The following PDZD9 variants were observed in gnomAD, a reference collection of about 807,000 sequenced individuals.
PDZD9 encodes PDZ domain-containing protein 9.
Under a neutral mutation model 16.3 loss-of-function variants are expected in PDZD9, and 13 were observed. The observed-to-expected ratio is 0.80, with a 90% CI of 0.52 to 1.27. The LOEUF is 1.27. Ranked by LOEUF, PDZD9 falls within the 50% of genes most tolerant of loss-of-function variation. The pLI, the probability that PDZD9 is intolerant of heterozygous loss-of-function variation, is 0.00. For synonymous variants in PDZD9, 120 were observed against 111.0 expected, an observed-to-expected ratio of 1.08 and a Z score of -0.51; for missense variants, 288 against 310.9, an observed-to-expected ratio of 0.93 and a Z score of 0.55.
intron 2 of PDZD9, among the ~76,000 whole-genome samples, chr16:21,990,165 A>G (rs1898988481): frequency 6.6e-6 from 1 of 152,142 alleles, no homozygotes; most frequent in African/African-American, 2.4e-5. Flanking sequence ...GGCTGCTACA[A>G]CGGCATTCAG....
the PDZD9 span, among the ~76,000 whole-genome samples, chr16:21,970,415 A>G: frequency 6.6e-6 from 1 of 152,186 alleles, no homozygotes; most frequent in Non-Finnish European, 1.5e-5. Context: ...CCAGCAATGC[A>G]CAAAGGTTTT....
At chr16:21,989,671 T>C (rs1257833104) in intron 2 of PDZD9, among the ~76,000 whole-genome samples, 1 of 152,192 alleles carries the variant, frequency 6.6e-6, no homozygotes. Context: ...AACTGTAAGA[T>C]GTGTATGCAG....
At chr16:21,972,084 C>T in the PDZD9 span, 1 of 1,614,046 alleles carries the variant, frequency 6.2e-7, no homozygotes, top group South Asian at 1.1e-5. Context: ...CAGCCATCTG[C>T]ACCAGGCTGT....
At chr16:21,999,972 C>CG (rs1421482504) in intron 1 of PDZD9, among the ~76,000 whole-genome samples, 1 of 151,768 alleles carries the variant, frequency 6.6e-6, no homozygotes, top group East Asian at 1.9e-4. Context: ...GCCTGGAAGG[C>CG]GGGGGTTGCA....
chr16:21,973,783 A>G, the PDZD9 span: 1 of 840,014 alleles, frequency 1.2e-6, no homozygotes, highest in African/African-American at 1.7e-5. Flanking sequence ...GTAAAATATT[A>G]ATCTATTTTG....
chr16:21,958,703 A>G, the PDZD9 span: 283 of 976,902 alleles, frequency 2.9e-4, 2 homozygotes, highest in East Asian at 7.1e-3. Context: ...CTTAAGCAAC[A>G]TAAGAAGGAA....
At chr16:21,981,473 G>T (rs1416783738), downstream of PDZD9, among the ~76,000 whole-genome samples, 1 of 152,162 alleles carries the variant, frequency 6.6e-6, no homozygotes, top group Non-Finnish European at 1.5e-5. Context: ...AAAAAACTAA[G>T]CTGGGTGCAG....
chr16:21,959,644 T>C, the PDZD9 span: 1 of 152,280 alleles, frequency 6.6e-6, no homozygotes, highest in East Asian at 1.9e-4. Flanking sequence ...GTGTCTAGAA[T>C]GGTGAATTCT....
chr16:21,962,158 GTA>G, the PDZD9 span: 1 of 312,692 alleles, frequency 3.2e-6, no homozygotes, highest in Non-Finnish European at 6.1e-6. Context: ...TACCTCATAA[GTA>G]GAATCATACA....
chr16:21,987,638 A>G (rs775191128), intron 3 of PDZD9, among the ~76,000 whole-genome samples: 1 of 152,120 alleles, frequency 6.6e-6, no homozygotes, highest in Non-Finnish European at 1.5e-5. Context: ...TAAGTGTCTA[A>G]TGCTGCTCAG....
the PDZD9 span, chr16:21,971,984 T>G: frequency 6.2e-7 from 1 of 1,614,202 alleles, no homozygotes; most frequent in Non-Finnish European, 8.5e-7. Flanking sequence ...CAGAAAGTGC[T>G]GTCGCGGGAA....
downstream of PDZD9, among the ~76,000 whole-genome samples, chr16:21,981,066 A>G (rs534204677): frequency 6.6e-6 from 1 of 152,352 alleles, no homozygotes; most frequent in African/African-American, 2.4e-5. Context: ...GAAGTAAAGA[A>G]GAGTCAAATA....
chr16:21,958,679 G>A, the PDZD9 span: 1 of 1,241,696 alleles, frequency 8.1e-7, no homozygotes, highest in South Asian at 1.3e-5. Context: ...TGTTATCAAG[G>A]AGGTTGAGGA....
At chr16:21,976,582 T>C in the PDZD9 span, 1 of 217,416 alleles carries the variant, frequency 4.6e-6, no homozygotes, top group Non-Finnish European at 9.3e-6. Flanking sequence ...TCATGCATTT[T>C]TAAACATAAT....
the PDZD9 span, among the ~76,000 whole-genome samples, chr16:21,975,710 A>C: frequency 1.3e-5 from 2 of 152,162 alleles, no homozygotes; most frequent in Non-Finnish European, 2.9e-5. Flanking sequence ...TTCTTAGTGA[A>C]TAGTAAGAGA....
the PDZD9 span, among the ~76,000 whole-genome samples, chr16:21,971,196 T>C: frequency 3.9e-5 from 6 of 152,176 alleles, no homozygotes; most frequent in African/African-American, 1.4e-4. Flanking sequence ...ATATTTGATG[T>C]AGACTACTCA....
intron 3 of PDZD9, among the ~76,000 whole-genome samples, chr16:21,986,291 A>G (rs1898874849): frequency 6.6e-6 from 1 of 152,226 alleles, no homozygotes; most frequent in South Asian, 2.1e-4. Flanking sequence ...AAGAAAGGGA[A>G]TCAGCAGGTG....
At chr16:21,964,382 G>A in the PDZD9 span, among the ~76,000 whole-genome samples, 2 of 152,002 alleles carry the variant, frequency 1.3e-5, no homozygotes, top group African/African-American at 4.8e-5. Flanking sequence ...TCTCCCACAC[G>A]GCCATTACAG....
At chr16:21,983,208 C>T (rs530659937), downstream of PDZD9, 271 of 1,581,044 alleles carry the variant, frequency 1.7e-4, 4 homozygotes, top group South Asian at 2.9e-3. Context: ...GCTGAACGTT[C>T]TCTCAGCCCA....
Sources: gnomAD v4.1 joint callset for allele counts (sites outside exome capture counted in the v4.1 genomes callset) on GRCh38, gnomAD v4.1.1 for gene constraint, MANE v1.5 for transcripts, NCBI Gene and HGNC (gene_info 2026-07-23, HGNC 2026-07-21) for gene names.